Variants in BIK observed in about 807,000 individuals in gnomAD.
BIK encodes the protein bcl-2-interacting killer.
A neutral mutation model predicts 12.1 loss-of-function variants in BIK; 14 were observed. The observed-to-expected ratio is 1.16, with a 90% CI of 0.77 to 1.81. The LOEUF is 1.81. Among genes scored for constraint, BIK ranks in the 40% most tolerant of loss-of-function variants. BIK has a pLI of 0.00. For synonymous variants in BIK, 86 were observed against 92.3 expected (o/e 0.93, Z 0.39); for missense variants, 215 against 207.9 (o/e 1.03, Z -0.21).
At chr22:43,111,770 G>A (rs748194198) in intron 1 of BIK, among the ~76,000 whole-genome samples, 10 of 152,178 alleles carry the variant, frequency 6.6e-5, no homozygotes, top group Non-Finnish European at 1.0e-4. Flanking sequence ...GAGCATTGGT[G>A]TCAGCCTCAT....
chr22:43,119,961 CCTGT>C (rs1314139510), intron 1 of BIK, among the ~76,000 whole-genome samples: 1 of 151,980 alleles, frequency 6.6e-6, no homozygotes, highest in East Asian at 1.9e-4. Flanking sequence ...CGGGTGAGAC[CCTGT>C]CTGTGAAAAA....
At chr22:43,121,303 A>T (rs1414354244) in intron 1 of BIK, among the ~76,000 whole-genome samples, 1 of 152,136 alleles carries the variant, frequency 6.6e-6, no homozygotes, top group Non-Finnish European at 1.5e-5. Flanking sequence ...TCCTGGGTCT[A>T]CTCAGATGGG....
intron 4 of BIK, among the ~76,000 whole-genome samples, 187 bp downstream of exon 4, chr22:43,128,812 T>C (rs553594415): frequency 6.6e-6 from 1 of 152,332 alleles, no homozygotes; most frequent in East Asian, 1.9e-4. Flanking sequence ...AACCAGTGCA[T>C]GGTCCTGGGT....
At chr22:43,113,623 T>C (rs1930053551) in intron 1 of BIK, among the ~76,000 whole-genome samples, 1 of 152,010 alleles carries the variant, frequency 6.6e-6, no homozygotes, top group African/African-American at 2.4e-5. Flanking sequence ...TGTACTTTTT[T>C]TTTCCCCCAT....
chr22:43,112,325 G>A (rs1289847449), intron 1 of BIK, among the ~76,000 whole-genome samples: 2 of 151,918 alleles, frequency 1.3e-5, no homozygotes, highest in Non-Finnish European at 2.9e-5. Context: ...CAGCCTCCTA[G>A]TAGCTGGGAT....
intron 2 of BIK, 99 bp downstream of exon 2, chr22:43,124,282 C>G (rs1228067787): frequency 1.5e-5 from 21 of 1,402,154 alleles, no homozygotes; most frequent in Non-Finnish European, 2.0e-5. Context: ...CCTGCAGATG[C>G]CTCCCAGGCA....
rs1004929264 is a variant in BIK, at chr22:43,129,426, G to C, written c.*121G>C. 3 of 1,401,804 alleles carry C rather than the reference G, an allele frequency of 2.1e-6. No individual in the cohort carries two copies. Among genetic ancestry groups the C allele is most frequent in the African/African-American group, 2.9e-5 (2 of 68,834 alleles). 86.8% of individuals were successfully genotyped at this position (1,401,804 alleles called of 1,614,324 possible). A position where few individuals can be genotyped will look rare whatever the true frequency, so the allele number is the denominator to read the frequency against. On this transcript the variant is annotated 3_prime_UTR_variant, in exon 5 of 5. Coordinates refer to ENST00000216115, the MANE Select transcript of BIK (RefSeq NM_001197.5). ...TGATGCCTTTTTATATTTAAACCCC[G>C]AGATAGTGCTGGAACACTGCTGAGG...
chr22:43,113,628 C>T (rs547468438), intron 1 of BIK, among the ~76,000 whole-genome samples: 4 of 151,348 alleles, frequency 2.6e-5, no homozygotes, highest in African/African-American at 9.7e-5. Flanking sequence ...TTTTTTTTTC[C>T]CCCATTTCTG....
intron 1 of BIK, 149 bp from the exon 2 acceptor site, chr22:43,123,867 G>C: frequency 1.3e-6 from 1 of 768,816 alleles, no homozygotes; most frequent in Non-Finnish European, 2.0e-6. Context: ...ATTCATGCCT[G>C]TGGGAGCTGG....
chr22:43,127,793 C>T lies in BIK; in HGVS notation c.258C>T (p.His86=), dbSNP rs754355146. ...RLAQLSEVAM[H]SLGLAFIYDQ... is the part of the protein sequence containing the mutation. ...CCCAGCTCTCCGAGGTGGCCATGCA[C>T]AGGTAGCCGGCCTATGCCCTATGCC... The change falls in exon 3 of 5, where the codon CAC becomes CAT. Residue 86 remains histidine, a splice_region_variant and synonymous_variant. Coordinates refer to ENST00000216115, the MANE Select transcript of BIK (RefSeq NM_001197.5). 1 of 1,549,708 alleles carries T rather than the reference C, an allele frequency of 6.5e-7. No individual in the cohort carries two copies. The highest frequency in any genetic ancestry group is 1.2e-5 in the South Asian group (1 of 84,004).
chr22:43,114,650 C>A (rs1366745566), intron 1 of BIK, among the ~76,000 whole-genome samples: 2 of 152,266 alleles, frequency 1.3e-5, no homozygotes, highest in East Asian at 3.9e-4. Flanking sequence ...TTAGAGGCTC[C>A]CTTTCATGTG....
chr22:43,123,410 CGAG>C (rs1930253483), intron 1 of BIK, among the ~76,000 whole-genome samples: 1 of 151,928 alleles, frequency 6.6e-6, no homozygotes, highest in African/African-American at 2.4e-5. Context: ...GGCTGGTGTC[CGAG>C]GAGAACTTCT....
chr22:43,112,327 A>G (rs537989469), intron 1 of BIK, among the ~76,000 whole-genome samples: 1 of 151,636 alleles, frequency 6.6e-6, no homozygotes, highest in Admixed American at 6.6e-5. Flanking sequence ...GCCTCCTAGT[A>G]GCTGGGATTA....
At chr22:43,128,049 C>G in intron 3 of BIK, among the ~76,000 whole-genome samples, 1 of 152,288 alleles carries the variant, frequency 6.6e-6, no homozygotes, top group East Asian at 1.9e-4. Flanking sequence ...TTTTCTCTCT[C>G]GCCGTCCTCA....
At chr22:43,115,461 CTTGTT>C (rs927913556) in intron 1 of BIK, among the ~76,000 whole-genome samples, 2 of 151,832 alleles carry the variant, frequency 1.3e-5, no homozygotes, top group East Asian at 3.9e-4. Flanking sequence ...CATTTCAGAA[CTTGTT>C]TTATTTTTTT....
intron 1 of BIK, among the ~76,000 whole-genome samples, chr22:43,121,405 G>T (rs1369891846): frequency 1.3e-5 from 2 of 152,168 alleles, no homozygotes; most frequent in Non-Finnish European, 2.9e-5. Flanking sequence ...CTCTGCTGCA[G>T]ACCCTCGGCA....
chr22:43,128,253 C>T (rs905300918), intron 3 of BIK, among the ~76,000 whole-genome samples: 3 of 152,130 alleles, frequency 2.0e-5, no homozygotes, highest in East Asian at 1.9e-4. Context: ...GCCAAACACC[C>T]GGTGGGCTGG....
chr22:43,115,662 C>T (rs1930097516), intron 1 of BIK, among the ~76,000 whole-genome samples: 1 of 152,010 alleles, frequency 6.6e-6, no homozygotes, highest in Non-Finnish European at 1.5e-5. Context: ...GAGGTTTCGC[C>T]ATGTTGGCCA....
At chr22:43,124,262 C>A (rs530718186) in intron 2 of BIK, 79 bp downstream of exon 2, 3 of 1,515,392 alleles carry the variant, frequency 2.0e-6, no homozygotes, top group Admixed American at 3.8e-5. Flanking sequence ...ATTCTATGAG[C>A]GGGGGAGCGC....
Sources: gnomAD v4.1 joint callset for allele counts (sites outside exome capture counted in the v4.1 genomes callset) on GRCh38, gnomAD v4.1.1 for gene constraint, MANE v1.5 for transcripts, NCBI Gene and HGNC (gene_info 2026-07-23, HGNC 2026-07-21) for gene names.